The following AAK1 variants were observed in gnomAD, a reference collection of about 807,000 sequenced individuals.
AAK1 encodes AP2 associated kinase 1.
AAK1 carries 37 observed loss-of-function variants against 116.0 expected under a neutral mutation model. The observed-to-expected ratio is 0.32, with a 90% CI of 0.25 to 0.42. The LOEUF is 0.42. AAK1 is among the 10% of genes least tolerant of loss of function. AAK1 has a pLI of 1.00. For synonymous variants in AAK1, 458 were observed against 439.9 expected (o/e 1.04, Z -0.51); for missense variants, 919 against 1,170.6 (o/e 0.79, Z 3.14).
At chr2:69,605,651 C>A (rs1281266526) in intron 2 of AAK1, among the ~76,000 whole-genome samples, 1 of 152,158 alleles carries the variant, frequency 6.6e-6, no homozygotes, top group Non-Finnish European at 1.5e-5. Context: ...TGTTTTACAC[C>A]AGTTTTACAT....
Position 69,468,644 on chromosome 2 carries a change from G to C in AAK1, c.*7225C>G. 4 of 985,292 alleles carry C rather than the reference G, an allele frequency of 4.1e-6. No individual in the cohort carries two copies. The highest frequency in any genetic ancestry group is 4.8e-6 in the Non-Finnish European group (4 of 829,888). 61.0% of individuals were successfully genotyped at this position (985,292 alleles called of 1,614,324 possible). On this transcript the variant is annotated 3_prime_UTR_variant, in exon 22 of 22. Transcript: ENST00000409085. ...AGTTTGAACAGAGTCAGTGTTTTTT[G>C]GAAATTTAAACTGAATTCAGTTAAA...
chr2:69,564,122 T>A (rs758627295), intron 2 of AAK1, among the ~76,000 whole-genome samples: 2 of 149,588 alleles, frequency 1.3e-5, no homozygotes, highest in Non-Finnish European at 3.0e-5. Context: ...AATCAGGGGG[T>A]CGGAGGTTTC....
At chr2:69,567,117 C>A (rs1671907782) in intron 2 of AAK1, among the ~76,000 whole-genome samples, 1 of 152,226 alleles carries the variant, frequency 6.6e-6, no homozygotes, top group Non-Finnish European at 1.5e-5. Flanking sequence ...GTTCCAGCCA[C>A]AAGAGCCTTC....
intron 17 of AAK1, among the ~76,000 whole-genome samples, chr2:69,492,990 A>G (rs1675590284): frequency 1.3e-5 from 2 of 151,730 alleles, no homozygotes; most frequent in Non-Finnish European, 2.9e-5. Flanking sequence ...CCCAGGTTCT[A>G]GAGACACTGA....
Position 69,472,462 on chromosome 2 carries a change from A to G in AAK1, c.*3407T>C. ...TTAAGGATGGCAGCATCATTAGAAT[A>G]AGTATTAACTTCTTAAGTAAAACTA... On this transcript the variant is annotated 3_prime_UTR_variant, in exon 22 of 22. Transcript: ENST00000409085. 2.7e-6 allele frequency: 1 copy of G among 369,998 alleles called. No homozygotes were observed. The highest frequency in any genetic ancestry group is 3.7e-6 in the Non-Finnish European group (1 of 267,660). 22.9% of individuals were successfully genotyped at this position (369,998 alleles called of 1,614,324 possible).
chr2:69,548,416 T>G (rs1385740372), intron 3 of AAK1, among the ~76,000 whole-genome samples: 1 of 152,078 alleles, frequency 6.6e-6, no homozygotes, highest in African/African-American at 2.4e-5. Flanking sequence ...AAGCTTTCCT[T>G]CTTTTCTTTT....
rs1558982747 is a variant in AAK1, at chr2:69,587,390, C to CACACATATATACACAT, written c.164-30413_164-30412insATGTGTATATATGTGT. 4.2e-4 allele frequency among the ~76,000 whole-genome samples: 63 copies of CACACATATATACACAT among 149,904 alleles called. No individual in the cohort carries two copies. In the South Asian group the frequency reaches 5.3e-3, roughly 13 times the overall value. On this transcript the variant is annotated intron_variant, in intron 2 of 21. Coordinates refer to ENST00000409085, the MANE Select transcript of AAK1 (RefSeq NM_014911.5). Reference sequence around the variant, plus strand: ...GTGTACACACACATATATACACACACGTGTGTACATATATACACATGTGTA... The same window carrying CACACATATATACACAT: ...GTGTACACACACATATATACACACACACACATATATACACATGTGTGTACATATATACACATGTGTA...
At chr2:69,599,834 G>A (rs530585595) in intron 2 of AAK1, among the ~76,000 whole-genome samples, 1 of 152,262 alleles carries the variant, frequency 6.6e-6, no homozygotes, top group South Asian at 2.1e-4. Flanking sequence ...CTGGAGTGCA[G>A]TGGTATGATC....
intron 2 of AAK1, among the ~76,000 whole-genome samples, chr2:69,565,033 C>T (rs1340835453): frequency 2.0e-5 from 3 of 152,194 alleles, no homozygotes; most frequent in Admixed American, 6.5e-5. Context: ...AGCACAAACC[C>T]AAATGCCTGA....
Position 69,476,991 on chromosome 2 carries a change from C to T in AAK1, c.2681-1G>A. On this transcript the variant is annotated splice_acceptor_variant, in intron 20 of 21. Coordinates refer to ENST00000409085, the MANE Select transcript of AAK1 (RefSeq NM_014911.5). LOFTEE classifies it high-confidence loss of function. ...GAGATGAGATTACTATCTTCTGCAG[C>T]TTAATACAGAATGCAAGTACACAAG... 1.2e-6 allele frequency: 2 copies of T among 1,602,518 alleles called. No individual in the cohort carries two copies. Among genetic ancestry groups the T allele is most frequent in the Non-Finnish European group, 1.7e-6 (2 of 1,172,026 alleles).
At chr2:69,619,510 G>C (rs1419159126) in intron 2 of AAK1, among the ~76,000 whole-genome samples, 1 of 152,152 alleles carries the variant, frequency 6.6e-6, no homozygotes, top group Non-Finnish European at 1.5e-5. Flanking sequence ...CTCTATGAGA[G>C]CCATGGTTCT....
intron 10 of AAK1, among the ~76,000 whole-genome samples, chr2:69,523,929 G>A (rs1320140549): frequency 2.6e-5 from 4 of 152,210 alleles, no homozygotes; most frequent in Admixed American, 2.0e-4. Flanking sequence ...CCTCTGTCTG[G>A]GTCAGACTTG....
In AAK1 at chr2:69,643,085, A is replaced by AT. The variant is rs4067981; in HGVS notation, c.-46dup. 0.26 allele frequency: 314,047 copies of AT among 1,231,440 alleles called. 9,749 individuals carry two copies. Among genetic ancestry groups the AT allele is most frequent in the African/African-American group, 0.39 (19,332 of 49,604 alleles). The allele number at this position is 1,231,440 out of a possible 1,614,324, so 76.3% of individuals were successfully genotyped here. A position where few individuals can be genotyped will look rare whatever the true frequency, so the allele number is the denominator to read the frequency against. On this transcript the variant is annotated 5_prime_UTR_variant, in exon 2 of 22. Coordinates refer to ENST00000409085, the MANE Select transcript of AAK1 (RefSeq NM_014911.5). ...AAAGCAAAATACCGATGGTTTCTAG[A>AT]TTTTTTTTTTTTTTTTTTTTTTTTA...
chr2:69,603,376 G>C (rs1306313170), intron 2 of AAK1, among the ~76,000 whole-genome samples: 2 of 149,886 alleles, frequency 1.3e-5, no homozygotes, highest in African/African-American at 4.9e-5. Flanking sequence ...AGAAACAGAG[G>C]AGAGAGAGAG....
At chr2:69,629,263 C>G (rs1675052607) in intron 2 of AAK1, among the ~76,000 whole-genome samples, 1 of 152,184 alleles carries the variant, frequency 6.6e-6, no homozygotes, top group African/African-American at 2.4e-5. Context: ...TTACTGCAGG[C>G]CAATGCCAAT....
chr2:69,544,638 C>T, intron 3 of AAK1, 94 bp from the exon 4 acceptor site: 1 of 885,474 alleles, frequency 1.1e-6, no homozygotes, highest in Non-Finnish European at 1.8e-6. Flanking sequence ...AATTTAAATA[C>T]AGAGATGATA....
chr2:69,468,792 C>T lies in AAK1; in HGVS notation c.*7077G>A, dbSNP rs139930960. On this transcript the variant is annotated 3_prime_UTR_variant, in exon 22 of 22. Coordinates refer to ENST00000409085, the MANE Select transcript of AAK1 (RefSeq NM_014911.5). ...AGTACCAAGGGGTGTGTGTATGTGC[C>T]CATATTCAGGGTTGGAGAGGATGGA... The T allele has an allele frequency of 0.018, 17,819 of 985,272 alleles. 198 individuals are homozygous for T. The highest frequency in any genetic ancestry group is 0.02 in the Non-Finnish European group (16,361 of 829,912). 61.0% of individuals were successfully genotyped at this position (985,272 alleles called of 1,614,324 possible). A position where few individuals can be genotyped will look rare whatever the true frequency, so the allele number is the denominator to read the frequency against.
At chr2:69,608,600 G>C (rs1201258397) in intron 2 of AAK1, among the ~76,000 whole-genome samples, 2 of 152,108 alleles carry the variant, frequency 1.3e-5, no homozygotes, top group Non-Finnish European at 2.9e-5. Context: ...TAGTAACGGA[G>C]GAAAGGAACA....
chr2:69,640,051 A>T (rs199975992), intron 2 of AAK1, among the ~76,000 whole-genome samples: 3,364 of 99,768 alleles, frequency 0.034, 80 homozygotes, highest in African/African-American at 0.11. Flanking sequence ...ACACACACAC[A>T]CACTCTCTCT....
Sources: gnomAD v4.1 joint callset for allele counts (sites outside exome capture counted in the v4.1 genomes callset) on GRCh38, gnomAD v4.1.1 for gene constraint, MANE v1.5 for transcripts, NCBI Gene and HGNC (gene_info 2026-07-23, HGNC 2026-07-21) for gene names.